KCNH5: variants seen among roughly 807,000 people sequenced by gnomAD.
KCNH5 encodes the protein voltage-gated delayed rectifier potassium channel KCNH5.
A neutral mutation model predicts 96.1 loss-of-function variants in KCNH5; 46 were observed. That is an observed-to-expected ratio of 0.48 (90% CI 0.38 to 0.61). KCNH5 has a LOEUF of 0.61. Among genes scored for constraint, KCNH5 ranks in the 20% least tolerant of loss-of-function variants. The probability of loss-of-function intolerance (pLI) is 0.00; values close to 1 mark genes in which losing one functional copy is unlikely to be tolerated. For synonymous variants in KCNH5, 439 were observed against 449.8 expected (o/e 0.98, Z 0.30); for missense variants, 907 against 1,225.8 (o/e 0.74, Z 3.88).
intron 8 of KCNH5, among the ~76,000 whole-genome samples, chr14:62,831,079 C>A (rs115194347): frequency 6.6e-6 from 1 of 152,262 alleles, no homozygotes; most frequent in African/African-American, 2.4e-5. Context: ...GATCCACCGG[C>A]CTCAGTCCTG....
intron 6 of KCNH5, among the ~76,000 whole-genome samples, chr14:62,971,812 A>G (rs1264695690): frequency 6.6e-6 from 1 of 152,120 alleles, no homozygotes; most frequent in East Asian, 1.9e-4. Flanking sequence ...ATTAAAAAAA[A>G]AAGTGAATCT....
At position 62,899,602 on chromosome 14, in the gene KCNH5, C is replaced by T. The variant is rs192581521; in HGVS notation, c.1370-49750G>A. ...ATCCCAGCACTTTGGGAGGCCGAGG[C>T]GGGCGGATCACGAGGTCAGGAGATC... On this transcript the variant is annotated intron_variant, in intron 7 of 10. Transcript: ENST00000322893. Among the ~76,000 whole-genome samples the T allele has an allele frequency of 1.2e-4, 18 of 151,964 alleles. 1 individual carries two copies. The highest frequency in any genetic ancestry group is 2.2e-4 in the Non-Finnish European group (15 of 67,916).
intron 9 of KCNH5, among the ~76,000 whole-genome samples, chr14:62,783,612 C>T (rs1886262735): frequency 6.6e-6 from 1 of 152,008 alleles, no homozygotes; most frequent in Non-Finnish European, 1.5e-5. Context: ...ATGCTTTTGA[C>T]TCAGTATTTT....
chr14:62,779,700 T>C, intron 10 of KCNH5, 28 bp downstream of exon 10: 2 of 1,575,894 alleles, frequency 1.3e-6, no homozygotes, highest in Middle Eastern at 1.7e-4. Context: ...TGGACACTAA[T>C]AAGAAAAAGC....
chr14:62,847,084 G>A (rs921508523), intron 8 of KCNH5, among the ~76,000 whole-genome samples: 4 of 148,606 alleles, frequency 2.7e-5, no homozygotes, highest in Admixed American at 2.0e-4. Flanking sequence ...ACAGGCGTGA[G>A]CCACCGCGCC....
intron 7 of KCNH5, among the ~76,000 whole-genome samples, chr14:62,913,888 G>A (rs1277510573): frequency 6.6e-6 from 1 of 152,028 alleles, no homozygotes; most frequent in Non-Finnish European, 1.5e-5. Context: ...GAACAGAGAA[G>A]CAACAATGTT....
chr14:62,782,199 T>C (rs1886233449), intron 9 of KCNH5, among the ~76,000 whole-genome samples: 2 of 151,820 alleles, frequency 1.3e-5, no homozygotes, highest in South Asian at 2.1e-4. Context: ...AAGACAGAAA[T>C]AGAGAGGTTG....
At chr14:62,766,783 T>C (rs1209524767) in intron 10 of KCNH5, among the ~76,000 whole-genome samples, 2 of 152,096 alleles carry the variant, frequency 1.3e-5, no homozygotes, top group African/African-American at 4.8e-5. Flanking sequence ...AAGGTGACTA[T>C]AGTCAATAAT....
rs200737420 is a variant in KCNH5 at position 62,708,403 on chromosome 14, C to T, written c.2072G>A (p.Arg691Gln). Residue 691 changes from arginine to glutamine, a missense_variant, in exon 11 of 11, where the codon CGG becomes CAG. This residue lies in a region of KCNH5 where 362 missense variants were observed against 394.4 expected (regional missense o/e 0.92). Transcript: ENST00000322893. ...DVKKEEEERL[R>Q]QKNEVTLSIP... ...GCTGAGGGTCACCTCATTCTTCTGCCGGAGGCGCTCCTCCTCCTCTTTCTT... is the reference window on the plus strand; with the variant it reads ...GCTGAGGGTCACCTCATTCTTCTGCTGGAGGCGCTCCTCCTCCTCTTTCTT... 13 of 1,610,552 alleles carry T rather than the reference C, an allele frequency of 8.1e-6. No individual in the cohort carries two copies. Among genetic ancestry groups the T allele is most frequent in the Admixed American group, 3.3e-5 (2 of 59,978 alleles).
intron 8 of KCNH5, among the ~76,000 whole-genome samples, chr14:62,818,185 G>A (rs1247101063): frequency 1.3e-5 from 2 of 148,994 alleles, no homozygotes; most frequent in Non-Finnish European, 3.0e-5. Flanking sequence ...ATAAGTTCTA[G>A]AGACCTAATG....
intron 6 of KCNH5, 94 bp from the exon 7 acceptor site, chr14:62,950,653 C>T (rs1291065882): frequency 7.7e-6 from 8 of 1,043,222 alleles, no homozygotes; most frequent in Non-Finnish European, 9.3e-6. Flanking sequence ...TAAATTTAAC[C>T]ATCCAATTAT....
intron 7 of KCNH5, among the ~76,000 whole-genome samples, chr14:62,896,893 T>C (rs899042184): frequency 6.6e-6 from 1 of 152,220 alleles, no homozygotes; most frequent in Non-Finnish European, 1.5e-5. Context: ...TATTTTCAAC[T>C]TAACAATGGC....
chr14:62,746,910 A>G (rs1885387867), intron 10 of KCNH5, among the ~76,000 whole-genome samples: 1 of 152,250 alleles, frequency 6.6e-6, no homozygotes, highest in South Asian at 2.1e-4. Flanking sequence ...AATTGAAGCA[A>G]ATAGTGTTTT....
At chr14:62,814,433 A>G (rs1403876558) in intron 8 of KCNH5, among the ~76,000 whole-genome samples, 1 of 152,146 alleles carries the variant, frequency 6.6e-6, no homozygotes, top group East Asian at 1.9e-4. Flanking sequence ...TACCTGTGAA[A>G]GTATTTTCTA....
intron 7 of KCNH5, among the ~76,000 whole-genome samples, chr14:62,932,433 G>A (rs1317855054): frequency 7.3e-6 from 1 of 137,764 alleles, no homozygotes; most frequent in African/African-American, 2.7e-5. Flanking sequence ...CTAGACCATA[G>A]AGTAAAAAAG....
At chr14:62,895,868 A>T (rs1035296217) in intron 7 of KCNH5, among the ~76,000 whole-genome samples, 7 of 152,206 alleles carry the variant, frequency 4.6e-5, no homozygotes, top group African/African-American at 1.7e-4. Flanking sequence ...TGGATAGCCT[A>T]GTCTACTTTG....
chr14:62,757,546 T>C (rs985882555), intron 10 of KCNH5, among the ~76,000 whole-genome samples: 6 of 151,210 alleles, frequency 4.0e-5, no homozygotes, highest in African/African-American at 1.5e-4. Flanking sequence ...AACCTAAGTG[T>C]CCATCAACAG....
chr14:62,715,129 G>T (rs575913991), intron 10 of KCNH5, among the ~76,000 whole-genome samples: 1 of 152,194 alleles, frequency 6.6e-6, no homozygotes, highest in Admixed American at 6.5e-5. Context: ...CATTTCAAAA[G>T]TAGGACATTT....
chr14:63,005,533 G>T (rs1056075113), intron 3 of KCNH5, among the ~76,000 whole-genome samples: 6 of 152,162 alleles, frequency 3.9e-5, no homozygotes, highest in Non-Finnish European at 8.8e-5. Context: ...AGTAGACTTT[G>T]CTATCATTTG....
Sources: allele counts gnomAD v4.1 joint callset (sites outside exome capture counted in the v4.1 genomes callset), GRCh38; gene constraint gnomAD v4.1.1; regional missense constraint gnomAD v4.1.1; transcripts MANE v1.5; gene names NCBI Gene and HGNC (gene_info 2026-07-23, HGNC 2026-07-21).